NAA20: variants seen among roughly 807,000 people sequenced by gnomAD.
The protein encoded by NAA20 is N-alpha-acetyltransferase 20.
Under a neutral mutation model 23.8 loss-of-function variants are expected in NAA20, and 24 were observed. That is an observed-to-expected ratio of 1.01 (90% CI 0.73 to 1.42). The LOEUF is 1.42. Ranked by LOEUF, NAA20 falls within the 40% of genes most tolerant of loss-of-function variation. NAA20 has a pLI of 0.00. For synonymous variants in NAA20, 83 were observed against 77.7 expected, an observed-to-expected ratio of 1.07 and a Z score of -0.36; for missense variants, 166 against 223.1, an observed-to-expected ratio of 0.74 and a Z score of 1.63.
At position 20,032,532 on chromosome 20, in the gene NAA20, C is replaced by CTT. The variant is rs2043352483; in HGVS notation, c.332_333dup (p.Val112LeufsTer2). On this transcript the variant is annotated frameshift_variant, in exon 5 of 6. Coordinates refer to ENST00000334982, the MANE Select transcript of NAA20 (RefSeq NM_016100.5). LOFTEE classifies it high-confidence loss of function. ...GAAAGGGTGGATTTTTTGTGGATCT[C>CTT]TTTGTAAGAGTATCTAACCAAGTTG... The CTT allele has an allele frequency of 6.2e-7, 1 of 1,612,296 alleles. No homozygotes were observed. The highest frequency in any genetic ancestry group is 1.3e-5 in the African/African-American group (1 of 74,734).
intron 1 of NAA20, among the ~76,000 whole-genome samples, chr20:20,020,677 G>GA (rs1017920948): frequency 6.6e-6 from 1 of 152,024 alleles, no homozygotes; most frequent in Non-Finnish European, 1.5e-5. Context: ...CACAAGTGTA[G>GA]AAAAAAAGGC....
In NAA20 at chr20:20,026,908, G is replaced by A; in HGVS notation, c.294G>A (p.Glu98=). The A allele has an allele frequency of 6.2e-7, 1 of 1,614,152 alleles. No individual in the cohort carries two copies. The highest frequency in any genetic ancestry group is 8.5e-7 in the Non-Finnish European group (1 of 1,180,010). ...LAAKLMELLE[E]ISERKGGFFV... Reference sequence around the variant, plus strand: ...CTAAACTTATGGAGTTACTAGAGGAGATTTCAGAAAGGTGAGATTCAGTTT... The same window carrying A: ...CTAAACTTATGGAGTTACTAGAGGAAATTTCAGAAAGGTGAGATTCAGTTT... The change falls in exon 4 of 6, where the codon GAG becomes GAA. Residue 98 remains glutamate, a synonymous_variant. Transcript: ENST00000334982.
intron 4 of NAA20, among the ~76,000 whole-genome samples, chr20:20,030,526 C>T (rs1051714464): frequency 1.3e-5 from 2 of 151,832 alleles, no homozygotes; most frequent in African/African-American, 4.8e-5. Context: ...CAGTAATTTA[C>T]TAGAAATTAT....
At chr20:20,020,839 G>T (rs200175) in intron 1 of NAA20, among the ~76,000 whole-genome samples, 127,412 of 151,996 alleles carry the variant, frequency 0.84, 54,017 homozygotes, top group East Asian at 1. Flanking sequence ...TGTTCAAGAG[G>T]AGCTGATGGC....
intron 1 of NAA20, chr20:20,018,059 T>C: frequency 6.2e-7 from 1 of 1,614,202 alleles, no homozygotes; most frequent in Non-Finnish European, 8.5e-7. Context: ...TTTGCAAGTT[T>C]AGTTACTGTA....
intron 1 of NAA20, 62 bp downstream of exon 1, chr20:20,017,511 G>A: frequency 6.4e-7 from 1 of 1,558,626 alleles, no homozygotes; most frequent in Admixed American, 1.9e-5. Context: ...GGCCCCGCCA[G>A]CTCCGGCCCC....
intron 4 of NAA20, among the ~76,000 whole-genome samples, chr20:20,027,438 G>T (rs6035523): frequency 0.25 from 38,105 of 151,810 alleles, 7,368 homozygotes; most frequent in East Asian, 0.71. Flanking sequence ...ACCAATGAGA[G>T]GTGTGCACCT....
At chr20:20,027,518 T>C (rs2043314089) in intron 4 of NAA20, among the ~76,000 whole-genome samples, 1 of 152,202 alleles carries the variant, frequency 6.6e-6, no homozygotes, top group Non-Finnish European at 1.5e-5. Context: ...CTAGTATTTT[T>C]TTTTAATCAC....
chr20:20,033,228 A>G lies in NAA20; in HGVS notation c.*41A>G. On this transcript the variant is annotated 3_prime_UTR_variant, in exon 6 of 6. Coordinates refer to ENST00000334982, the MANE Select transcript of NAA20 (RefSeq NM_016100.5). ...CTTAGGCAGATACTCTAGATGCTTT[A>G]TGGACAATATTATTTTCATTGGATG... The G allele has an allele frequency of 2.1e-6, 3 of 1,445,976 alleles. No homozygotes were observed. The highest frequency in any genetic ancestry group is 2.9e-6 in the Non-Finnish European group (3 of 1,032,206). 89.6% of individuals were successfully genotyped at this position (1,445,976 alleles called of 1,614,324 possible).
chr20:20,025,901 T>G (rs979191524), intron 3 of NAA20, 134 bp downstream of exon 3: 2 of 700,928 alleles, frequency 2.9e-6, no homozygotes, highest in Non-Finnish European at 5.0e-6. Context: ...ATTCAAGAAC[T>G]TACTGATCTC....
At chr20:20,018,971 C>G (rs2043250346) in intron 1 of NAA20, 1 of 981,630 alleles carries the variant, frequency 1.0e-6, no homozygotes. Flanking sequence ...GTTAGAAACG[C>G]ACATTCCGTT....
intron 2 of NAA20, 29 bp from the exon 3 acceptor site, chr20:20,025,648 A>G (rs1036993404): frequency 7.2e-6 from 11 of 1,530,018 alleles, no homozygotes; most frequent in Non-Finnish European, 1.0e-5. Flanking sequence ...ACTGTCCATT[A>G]CTTTTCACAC....
chr20:20,017,609 C>A, intron 1 of NAA20, 160 bp downstream of exon 1: 1 of 1,302,314 alleles, frequency 7.7e-7, no homozygotes, highest in Non-Finnish European at 1.0e-6. Flanking sequence ...CTCCCTGGGG[C>A]CACAGGGTCC....
chr20:20,019,022 GC>G (rs1327143280), intron 1 of NAA20, among the ~76,000 whole-genome samples: 2 of 152,138 alleles, frequency 1.3e-5, no homozygotes, highest in Non-Finnish European at 2.9e-5. Context: ...CCCACCTGGA[GC>G]CTCTGGAGAG....
intron 1 of NAA20, chr20:20,017,665 T>G: frequency 7.2e-7 from 1 of 1,387,882 alleles, no homozygotes; most frequent in Non-Finnish European, 9.4e-7. Context: ...CTTGGCGACC[T>G]TGGCCGAGGT....
At chr20:20,027,932 A>G (rs2043317276) in intron 4 of NAA20, among the ~76,000 whole-genome samples, 1 of 152,134 alleles carries the variant, frequency 6.6e-6, no homozygotes, top group African/African-American at 2.4e-5. Flanking sequence ...GTAATTTCCT[A>G]AAAGTGTGGT....
chr20:20,018,107 G>GAA, intron 1 of NAA20: 1 of 1,611,646 alleles, frequency 6.2e-7, no homozygotes, highest in Non-Finnish European at 8.5e-7. Flanking sequence ...CCTCTGTGAG[G>GAA]AGTCACGGCA....
chr20:20,032,441 T>C (rs1601133600), intron 4 of NAA20, 67 bp from the exon 5 acceptor site: 1 of 1,510,958 alleles, frequency 6.6e-7, no homozygotes, highest in Non-Finnish European at 9.0e-7. Context: ...TTAAAAAAAA[T>C]ATGTATCTAT....
chr20:20,018,386 A>G (rs1289621035), intron 1 of NAA20: 8 of 309,136 alleles, frequency 2.6e-5, no homozygotes, highest in African/African-American at 1.5e-4. Flanking sequence ...TAAAAAAACA[A>G]CAGGGCGGTA....
Sources: gnomAD v4.1 joint callset for allele counts (sites outside exome capture counted in the v4.1 genomes callset) on GRCh38, gnomAD v4.1.1 for gene constraint, MANE v1.5 for transcripts, NCBI Gene and HGNC (gene_info 2026-07-23, HGNC 2026-07-21) for gene names.